HPSE2: variants seen among roughly 807,000 people sequenced by gnomAD.
The protein encoded by HPSE2 is inactive heparanase-2.
Under a neutral mutation model 60.5 loss-of-function variants are expected in HPSE2, and 38 were observed. The ratio of observed to expected loss-of-function variants is 0.63; its 90% CI spans 0.48 to 0.82. The LOEUF (loss-of-function observed/expected upper bound fraction) is 0.82, where lower values mean the gene tolerates loss of function less well. HPSE2 is among the 40% of genes least tolerant of loss of function. The pLI, the probability that HPSE2 is intolerant of heterozygous loss-of-function variation, is 0.00. For missense variants in HPSE2, 713 were observed against 740.4 expected (o/e 0.96, Z 0.43); for synonymous variants, 295 against 293.2 (o/e 1.01, Z -0.06).
At position 98,598,264 on chromosome 10, in the gene HPSE2, G is replaced by A. The variant is rs145548412; in HGVS notation, c.1320+16640C>T. Reference sequence around the variant, plus strand: ...CTGGAGATTCTGGGCAGGTTGTCTGGAGTGGTCCATAGATGGGCTTGCTGC... The same window carrying A: ...CTGGAGATTCTGGGCAGGTTGTCTGAAGTGGTCCATAGATGGGCTTGCTGC... On this transcript the variant is annotated intron_variant, in intron 9 of 11. Transcript: ENST00000370552. 2.3e-3 allele frequency among the ~76,000 whole-genome samples: 356 copies of A among 152,278 alleles called. 1 individual carries two copies. The highest frequency in any genetic ancestry group is 8.2e-3 in the African/African-American group (342 of 41,566).
intron 3 of HPSE2, among the ~76,000 whole-genome samples, chr10:98,930,715 T>C (rs1392929171): frequency 1.4e-5 from 2 of 142,932 alleles, no homozygotes; most frequent in South Asian, 2.1e-4. Flanking sequence ...GTGGTTTTGA[T>C]TTCTCTGTGA....
At chr10:98,767,622 T>C (rs913040841) in intron 3 of HPSE2, among the ~76,000 whole-genome samples, 32 of 146,640 alleles carry the variant, frequency 2.2e-4, no homozygotes, top group African/African-American at 7.7e-4. Flanking sequence ...ATAGTATATG[T>C]TAATATGTAA....
chr10:98,626,776 C>CT (rs111955489), intron 7 of HPSE2, among the ~76,000 whole-genome samples: 9,354 of 147,996 alleles, frequency 0.063, 985 homozygotes, highest in African/African-American at 0.22. Flanking sequence ...TATTATTTTT[C>CT]TTTTTTTTTT....
chr10:98,480,347 G>C (rs754238976), intron 11 of HPSE2, among the ~76,000 whole-genome samples: 5 of 152,112 alleles, frequency 3.3e-5, no homozygotes, highest in Admixed American at 6.6e-5. Flanking sequence ...GCCTCCCAAA[G>C]TGTTGGGATT....
intron 3 of HPSE2, among the ~76,000 whole-genome samples, chr10:98,971,589 AATGTTATTC>A (rs1955955523): frequency 6.6e-6 from 1 of 152,140 alleles, no homozygotes; most frequent in African/African-American, 2.4e-5. Flanking sequence ...TTTATTTCAC[AATGTTATTC>A]ACTCATGTTG....
chr10:99,315,896 C>T, the HPSE2 span, among the ~76,000 whole-genome samples: 1 of 152,162 alleles, frequency 6.6e-6, no homozygotes, highest in African/African-American at 2.4e-5. Flanking sequence ...CCCATTAGTC[C>T]CTCTAGGAGT....
intron 3 of HPSE2, among the ~76,000 whole-genome samples, chr10:99,061,979 G>A (rs1842458615): frequency 6.6e-6 from 1 of 152,150 alleles, no homozygotes; most frequent in African/African-American, 2.4e-5. Flanking sequence ...GGTGAGGAGA[G>A]CAGAGAGGGC....
the HPSE2 span, among the ~76,000 whole-genome samples, chr10:99,283,190 TAA>T: frequency 1.5e-4 from 6 of 39,668 alleles, no homozygotes; most frequent in Admixed American, 2.8e-4. Context: ...CGTCTCAGGT[TAA>T]AAAAAAAAAA....
chr10:99,129,453 T>C (rs1289320370), intron 3 of HPSE2, among the ~76,000 whole-genome samples: 1 of 152,054 alleles, frequency 6.6e-6, no homozygotes, highest in Non-Finnish European at 1.5e-5. Context: ...ACACAGTGAA[T>C]AAAACTAGAA....
At chr10:99,028,188 A>C (rs1589540864) in intron 3 of HPSE2, among the ~76,000 whole-genome samples, 1 of 152,306 alleles carries the variant, frequency 6.6e-6, no homozygotes, top group Admixed American at 6.5e-5. Flanking sequence ...GTCAAATTGG[A>C]AAGGAAGAAG....
At chr10:98,737,961 A>C (rs1949400839) in intron 4 of HPSE2, among the ~76,000 whole-genome samples, 1 of 152,224 alleles carries the variant, frequency 6.6e-6, no homozygotes, top group African/African-American at 2.4e-5. Context: ...TCTTCACAGA[A>C]GTAGAAAAAA....
At chr10:99,019,216 TG>T (rs1269145036) in intron 3 of HPSE2, among the ~76,000 whole-genome samples, 3 of 152,320 alleles carry the variant, frequency 2.0e-5, no homozygotes, top group Non-Finnish European at 4.4e-5. Context: ...TTGTGAAGTT[TG>T]GTTGCAATGT....
chr10:98,845,256 C>G (rs1033424956), intron 3 of HPSE2, among the ~76,000 whole-genome samples: 3 of 152,208 alleles, frequency 2.0e-5, no homozygotes, highest in Non-Finnish European at 4.4e-5. Flanking sequence ...CTTGACTCCT[C>G]TCACCCCACT....
At chr10:99,282,949 C>T in the HPSE2 span, among the ~76,000 whole-genome samples, 1 of 152,058 alleles carries the variant, frequency 6.6e-6, no homozygotes, top group Non-Finnish European at 1.5e-5. Flanking sequence ...CTTTGGGAGG[C>T]CAAGGTGGGC....
intron 3 of HPSE2, among the ~76,000 whole-genome samples, chr10:98,947,122 A>C (rs534922234): frequency 1.3e-5 from 2 of 152,244 alleles, no homozygotes; most frequent in South Asian, 4.1e-4. Context: ...CTGTGATGTG[A>C]TGCCCACCAT....
chr10:98,984,936 A>C (rs1459717200), intron 3 of HPSE2, among the ~76,000 whole-genome samples: 1 of 152,196 alleles, frequency 6.6e-6, no homozygotes, highest in Non-Finnish European at 1.5e-5. Flanking sequence ...AGGGAAGTTT[A>C]GAGAAAAAAG....
At chr10:98,496,803 A>G (rs1941854735) in intron 9 of HPSE2, among the ~76,000 whole-genome samples, 1 of 152,158 alleles carries the variant, frequency 6.6e-6, no homozygotes, top group African/African-American at 2.4e-5. Flanking sequence ...TTTGGTAGTA[A>G]CAATCCTTTA....
chr10:98,533,435 A>G (rs1168565707), intron 9 of HPSE2, among the ~76,000 whole-genome samples: 5 of 152,212 alleles, frequency 3.3e-5, no homozygotes, highest in Non-Finnish European at 7.3e-5. Context: ...CGTTAATCAC[A>G]TGCAATTCTT....
At chr10:99,299,417 T>TTTGG in the HPSE2 span, among the ~76,000 whole-genome samples, 2 of 152,104 alleles carry the variant, frequency 1.3e-5, no homozygotes, top group African/African-American at 2.4e-5. Context: ...CAAGGAAAAA[T>TTTGG]TTGGTTGGTT....
Sources: gnomAD v4.1 joint callset for allele counts (sites outside exome capture counted in the v4.1 genomes callset) on GRCh38, gnomAD v4.1.1 for gene constraint, MANE v1.5 for transcripts, NCBI Gene and HGNC (gene_info 2026-07-23, HGNC 2026-07-21) for gene names.